The following RYR3 variants were observed in gnomAD, a reference collection of about 807,000 sequenced individuals.
RYR3 encodes ryanodine receptor 3.
In RYR3, 207 loss-of-function variants were observed where a neutral mutation model predicts 584.3. The ratio of observed to expected loss-of-function variants is 0.35; its 90% confidence interval spans 0.32 to 0.40. RYR3 has a LOEUF of 0.40. RYR3 is among the 10% of genes least tolerant of loss of function. The pLI, the probability that RYR3 is intolerant of heterozygous loss-of-function variation, is 1.00. For synonymous variants in RYR3, 2,416 were observed against 2,248.5 expected (o/e 1.07, Z -2.11); for missense variants, 5,616 against 6,089.2 (o/e 0.92, Z 2.59).
At chr15:33,845,363 CTG>C (rs2078655042) in intron 93 of RYR3, among the ~76,000 whole-genome samples, 1 of 152,232 alleles carries the variant, frequency 6.6e-6, no homozygotes, top group Admixed American at 6.5e-5. Context: ...AGCAATTGTC[CTG>C]TCTCAGCCTC....
At position 33,854,818 on chromosome 15, in the gene RYR3, A is replaced by G. The variant is rs778736021; in HGVS notation, c.13913A>G (p.Asn4638Ser). ...ACCATGTCAGTCCTGGGCCACTACA[A>G]TAACTTCTTCTTTGCTGCTCACCTA... ...YTTMSVLGHY[N>S]NFFFAAHLLD... Residue 4638 changes from asparagine to serine, a missense_variant, in exon 98 of 104, where the codon AAT (asparagine) becomes AGT (serine). Transcript: ENST00000634891. 4.0e-5 allele frequency: 65 copies of G among 1,613,754 alleles called. No individual in the cohort carries two copies. The highest frequency in any genetic ancestry group is 5.0e-5 in the Non-Finnish European group (59 of 1,179,862).
chr15:33,662,338 G>A lies in RYR3; in HGVS notation c.4808G>A (p.Arg1603Gln), dbSNP rs2063216002. ...IDNKYLPGLLRSGFYDLLISI... is the reference protein window; with the variant it reads ...IDNKYLPGLLQSGFYDLLISI... ...AACAAGTACCTCCCCGGCCTCCTTC[G>A]ATCTGGTTTCTATGACCTGCTCATC... The change falls in exon 35 of 104, where the codon CGA (arginine) becomes CAA (glutamine). Residue 1603 changes from arginine to glutamine, a missense_variant. Arg to Gln is a conservative substitution (Grantham distance 43). Coordinates refer to ENST00000634891, the MANE Select transcript of RYR3 (RefSeq NM_001036.6). The A allele has an allele frequency of 2.5e-6, 4 of 1,612,176 alleles. No individual in the cohort carries two copies. The highest frequency in any genetic ancestry group is 1.3e-5 in the African/African-American group (1 of 74,890).
chr15:33,601,944 T>G (rs544288505), intron 17 of RYR3, among the ~76,000 whole-genome samples: 8 of 152,238 alleles, frequency 5.3e-5, no homozygotes, highest in Non-Finnish European at 2.9e-5. Context: ...CAAGTGAGAC[T>G]GTGGCTTCTT....
At chr15:33,336,904 A>G (rs531630243) in intron 1 of RYR3, among the ~76,000 whole-genome samples, 129 of 151,720 alleles carry the variant, frequency 8.5e-4, no homozygotes, top group African/African-American at 3.0e-3. Flanking sequence ...AAATACAAAA[A>G]AAAATTAGCC....
intron 1 of RYR3, among the ~76,000 whole-genome samples, chr15:33,428,598 T>C (rs1352695011): frequency 2.6e-5 from 4 of 152,194 alleles, no homozygotes; most frequent in Non-Finnish European, 5.9e-5. Context: ...TCAGAGTTTT[T>C]TTTTCTGTCT....
intron 49 of RYR3, among the ~76,000 whole-genome samples, 183 bp from the exon 50 acceptor site, chr15:33,738,267 C>G (rs1025443906): frequency 2.0e-5 from 3 of 152,128 alleles, no homozygotes; most frequent in Admixed American, 6.5e-5. Context: ...GCTGACTGTT[C>G]CCAGCTTGAG....
At chr15:33,794,265 C>T (rs1184108184) in intron 67 of RYR3, among the ~76,000 whole-genome samples, 1 of 51,646 alleles carries the variant, frequency 1.9e-5, no homozygotes, top group African/African-American at 4.8e-5. Flanking sequence ...GTACAATTTC[C>T]CATAGATAGG....
intron 1 of RYR3, among the ~76,000 whole-genome samples, chr15:33,324,952 G>A (rs578034023): frequency 6.6e-6 from 1 of 152,308 alleles, no homozygotes; most frequent in African/African-American, 2.4e-5. Context: ...GGATGGCATG[G>A]ACATCACATA....
At chr15:33,329,914 C>T (rs1001826846) in intron 1 of RYR3, among the ~76,000 whole-genome samples, 4 of 152,016 alleles carry the variant, frequency 2.6e-5, no homozygotes, top group Non-Finnish European at 5.9e-5. Context: ...GAAATGGAGG[C>T]AAAAGTTGGG....
intron 3 of RYR3, among the ~76,000 whole-genome samples, chr15:33,518,104 C>T (rs762325638): frequency 6.6e-6 from 1 of 152,190 alleles, no homozygotes; most frequent in African/African-American, 2.4e-5. Flanking sequence ...CCTGCCTTGG[C>T]TCAAGTCAGT....
rs564559906 is a variant in RYR3 at position 33,726,609 on chromosome 15, G to A, written c.7033+103G>A. On this transcript the variant is annotated intron_variant, in intron 46 of 103. Coordinates refer to ENST00000634891, the MANE Select transcript of RYR3 (RefSeq NM_001036.6). Reference sequence around the variant, plus strand: ...AGTGGCCCCCAGGCCCTGACTTGCAGGGCGGGCTGCACAGGGCAAGTGTCT... The same window carrying A: ...AGTGGCCCCCAGGCCCTGACTTGCAAGGCGGGCTGCACAGGGCAAGTGTCT... 6.6e-5 allele frequency: 86 copies of A among 1,299,964 alleles called. No homozygotes were observed. In the South Asian group the frequency reaches 1.3e-3, roughly 19 times the overall value. 80.5% of individuals were successfully genotyped at this position (1,299,964 alleles called of 1,614,324 possible).
chr15:33,497,978 G>C (rs1414299392), intron 2 of RYR3, among the ~76,000 whole-genome samples: 5 of 151,824 alleles, frequency 3.3e-5, no homozygotes, highest in Admixed American at 3.3e-4. Flanking sequence ...TTCTTTTTGT[G>C]CCTAGCTTAT....
chr15:33,342,671 C>A (rs891271040), intron 1 of RYR3, among the ~76,000 whole-genome samples: 1 of 152,144 alleles, frequency 6.6e-6, no homozygotes, highest in Non-Finnish European at 1.5e-5. Flanking sequence ...ATCCTTCCCC[C>A]CTTCTCCTAA....
At chr15:33,617,152 C>T (rs1024266619) in intron 19 of RYR3, among the ~76,000 whole-genome samples, 4 of 152,202 alleles carry the variant, frequency 2.6e-5, no homozygotes, top group Non-Finnish European at 5.9e-5. Flanking sequence ...TGGTGGCTCA[C>T]GCCCGTAATC....
At chr15:33,844,551 C>T (rs577324955) in intron 92 of RYR3, among the ~76,000 whole-genome samples, 43 of 152,328 alleles carry the variant, frequency 2.8e-4, no homozygotes, top group Non-Finnish European at 1.8e-4. Flanking sequence ...TCTCAGGCCA[C>T]AGCATGATCA....
intron 1 of RYR3, 89 bp from the exon 2 acceptor site, chr15:33,473,330 G>A: frequency 4.0e-6 from 6 of 1,496,166 alleles, no homozygotes; most frequent in Non-Finnish European, 5.6e-6. Flanking sequence ...AGGGATTGGT[G>A]GCTTACCTGA....
chr15:33,587,276 G>A (rs1244094976), intron 16 of RYR3, among the ~76,000 whole-genome samples: 2 of 152,148 alleles, frequency 1.3e-5, no homozygotes, highest in Non-Finnish European at 2.9e-5. Flanking sequence ...TCCTGTCTGC[G>A]AAGTGTAATG....
intron 1 of RYR3, among the ~76,000 whole-genome samples, chr15:33,457,235 G>C (rs2047636810): frequency 6.6e-6 from 1 of 152,186 alleles, no homozygotes; most frequent in Non-Finnish European, 1.5e-5. Context: ...AGAAGGAAAT[G>C]TGTTATTGTG....
intron 1 of RYR3, among the ~76,000 whole-genome samples, chr15:33,402,135 A>C (rs939356318): frequency 7.9e-5 from 12 of 152,222 alleles, no homozygotes; most frequent in Admixed American, 5.2e-4. Context: ...TTTAATTTAA[A>C]TGTTGCATTT....
Sources: allele counts gnomAD v4.1 joint callset (sites outside exome capture counted in the v4.1 genomes callset), GRCh38; gene constraint gnomAD v4.1.1; transcripts MANE v1.5; gene names NCBI Gene and HGNC (gene_info 2026-07-23, HGNC 2026-07-21).